The following TMEM240 variants were observed in gnomAD, a reference collection of about 807,000 sequenced individuals.
TMEM240 encodes transmembrane protein C1orf70.
Under a neutral mutation model 19.5 loss-of-function variants are expected in TMEM240, and 3 were observed. The ratio of observed to expected loss-of-function variants is 0.15; its 90% CI spans 0.07 to 0.40. The LOEUF (loss-of-function observed/expected upper bound fraction) is 0.40, where lower values mean the gene tolerates loss of function less well. TMEM240 is among the 10% of genes least tolerant of loss of function. The probability of loss-of-function intolerance (pLI) is 1.00; values close to 1 mark genes in which losing one functional copy is unlikely to be tolerated. For missense variants in TMEM240, 210 were observed against 253.5 expected (o/e 0.83, Z 1.17); for synonymous variants, 123 against 109.3 (o/e 1.13, Z -0.78).
Position 1,539,844 on chromosome 1 carries a change from C to T in TMEM240, c.58-54G>A, listed in dbSNP as rs1642273199. 16 of 1,025,732 alleles carry T rather than the reference C, an allele frequency of 1.6e-5. No individual in the cohort carries two copies. In the Admixed American group the frequency reaches 3.2e-4, roughly 21 times the overall value. 63.5% of individuals were successfully genotyped at this position (1,025,732 alleles called of 1,614,324 possible). On this transcript the variant is annotated intron_variant, in intron 1 of 3. Coordinates refer to ENST00000378733, the MANE Select transcript of TMEM240 (RefSeq NM_001114748.2). ...AAGGAGCGGGCGGGACGAAGCGGGG[C>T]TGGGGGTGGGGAGCGCAGGCCGGGG... is the stretch of plus-strand genomic sequence containing the variant.
At position 1,540,621 on chromosome 1, in the gene TMEM240, A is replaced by C. The variant is rs1436060953; in HGVS notation, c.-275T>G. 2.1e-5 allele frequency among the ~76,000 whole-genome samples: 3 copies of C among 146,324 alleles called. No individual in the cohort carries two copies. The highest frequency in any genetic ancestry group is 3.0e-5 in the Non-Finnish European group (2 of 66,438). On this transcript the variant is annotated 5_prime_UTR_variant, in exon 1 of 4. Coordinates refer to ENST00000378733, the MANE Select transcript of TMEM240 (RefSeq NM_001114748.2). ...CCTGCGATGCGCTCGGCTCGGCTCG[A>C]CTCGGCTCCGCTCGGCTCCGGCCCC...
chr1:1,538,305 C>G (rs1642252464), intron 2 of TMEM240, among the ~76,000 whole-genome samples: 1 of 152,244 alleles, frequency 6.6e-6, no homozygotes, highest in Non-Finnish European at 1.5e-5. Flanking sequence ...GGCTGTGGCT[C>G]TGCTTCCCAC....
Position 1,536,147 on chromosome 1 carries a change from G to C in TMEM240, c.165-350C>G, listed in dbSNP as rs909888673. 1.3e-5 allele frequency among the ~76,000 whole-genome samples: 2 copies of C among 152,116 alleles called. No homozygotes were observed. Among genetic ancestry groups the C allele is most frequent in the Non-Finnish European group, 2.9e-5 (2 of 67,988 alleles). ...GCAGGTGGAAGAGGCCTCCCCCGGA[G>C]GGGGCTCAGGACGGCGGTCCCCACG... On this transcript the variant is annotated intron_variant, in intron 2 of 3. Transcript: ENST00000378733. The surrounding 1 kb of genome is among the most constrained non-coding windows in gnomAD (Gnocchi z 5.4).
chr1:1,535,938 C>CG lies in TMEM240; in HGVS notation c.165-142dup, dbSNP rs1642212665. The CG allele has an allele frequency of 5.8e-6, 2 of 344,786 alleles. No individual in the cohort carries two copies. The highest frequency in any genetic ancestry group is 4.5e-5 in the African/African-American group (2 of 44,486). The allele number at this position is 344,786 out of a possible 1,614,324, so 21.4% of individuals were successfully genotyped here. On this transcript the variant is annotated intron_variant, in intron 2 of 3. Coordinates refer to ENST00000378733, the MANE Select transcript of TMEM240 (RefSeq NM_001114748.2). The surrounding 1 kb of genome is among the most constrained non-coding windows in gnomAD (Gnocchi z 8.2). The stretch of plus-strand genomic sequence containing the variant: ...GAAGCAGCCTCTTGGGCGGGCGGGT[C>CG]GGGAAGGGGGCACCAGACTCAACGA...
Position 1,536,440 on chromosome 1 carries a change from C to A in TMEM240, c.165-643G>T, listed in dbSNP as rs1642223101. ...CCTCTCCCCTTCCTGGGGGACGCCC[C>A]CTTGCCCTTGCCTGGCACAGACCCG... On this transcript the variant is annotated intron_variant, in intron 2 of 3. Coordinates refer to ENST00000378733, the MANE Select transcript of TMEM240 (RefSeq NM_001114748.2). The surrounding 1 kb of genome is among the most constrained non-coding windows in gnomAD (Gnocchi z 5.4). Among the ~76,000 whole-genome samples the A allele has an allele frequency of 6.6e-6, 1 of 152,200 alleles. No individual in the cohort carries two copies. Among genetic ancestry groups the A allele is most frequent in the Non-Finnish European group, 1.5e-5 (1 of 68,016 alleles).
rs370284562 is a variant in TMEM240 at position 1,535,755 on chromosome 1, C to T, written c.207G>A (p.Ser69=). The change falls in exon 3 of 4, where the codon TCG becomes TCA. Residue 69 remains serine, a synonymous_variant. Coordinates refer to ENST00000378733, the MANE Select transcript of TMEM240 (RefSeq NM_001114748.2). This position sits in a 1 kb window ranked among gnomAD's most constrained non-coding sequence, Gnocchi z 8.2. ...AGTAGTTCTCGGAGGCGTCCACCAC[C>T]GACTGGTCCCCGTCGTACGGGATCA... is the stretch of plus-strand genomic sequence containing the variant. ...HYVIPYDGDQ[S]VVDASENYFV... 1.2e-4 allele frequency: 190 copies of T among 1,550,250 alleles called. 3 individuals are homozygous for T. In the South Asian group the frequency reaches 1.7e-3, roughly 14 times the overall value.
chr1:1,540,454 G>C lies in TMEM240; in HGVS notation c.-108C>G, dbSNP rs1642287768. 1 of 300,396 alleles carries C rather than the reference G, an allele frequency of 3.3e-6. No individual in the cohort carries two copies. The highest frequency in any genetic ancestry group is 5.1e-6 in the Non-Finnish European group (1 of 196,000). The allele number at this position is 300,396 out of a possible 1,614,324, so 18.6% of individuals were successfully genotyped here. ...CCTCCGCAGAGGTCAGCGCTTCCCT[G>C]GATCGTCCGCCGCCGCTCGCTGCAA... On this transcript the variant is annotated 5_prime_UTR_variant, in exon 1 of 4. Transcript: ENST00000378733.
rs1348791188 is a variant in TMEM240 at position 1,537,645 on chromosome 1, C to T, written c.165-1848G>A. Among the ~76,000 whole-genome samples the T allele has an allele frequency of 3.9e-5, 6 of 152,172 alleles. No homozygotes were observed. The South Asian group carries it at 6.2e-4, about 16-fold the overall frequency. ...CACGTATGTCTGTGACATGTACATA[C>T]GTGTGTCCTGCCTGCACCACACACA... On this transcript the variant is annotated intron_variant, in intron 2 of 3. Transcript: ENST00000378733.
rs1229300923 is a variant in TMEM240, at chr1:1,540,392, GC to G, written c.-47del. The G allele has an allele frequency of 8.1e-5, 73 of 895,732 alleles. No individual in the cohort carries two copies. Among genetic ancestry groups the G allele is most frequent in the Middle Eastern group, 4.8e-4 (1 of 2,076 alleles). The allele number at this position is 895,732 out of a possible 1,614,324, so 55.5% of individuals were successfully genotyped here. The stretch of plus-strand genomic sequence containing the variant: ...CGGAGCGCCGCCCCCCGGCCCCGGC[GC>G]CCCCCCGGCCCCGGCCCGATGCTGA... On this transcript the variant is annotated 5_prime_UTR_variant, in exon 1 of 4. Transcript: ENST00000378733.
At position 1,536,780 on chromosome 1, in the gene TMEM240, G is replaced by A. The variant is rs555462067; in HGVS notation, c.165-983C>T. On this transcript the variant is annotated intron_variant, in intron 2 of 3. Transcript: ENST00000378733. The surrounding 1 kb of genome is among the most constrained non-coding windows in gnomAD (Gnocchi z 5.4). The stretch of plus-strand genomic sequence containing the variant: ...GGAGTGGAGCCCGCGGGCCCCACGC[G>A]CCTTGCGGTCCACACTCCTGGCTGC... Among the ~76,000 whole-genome samples the A allele has an allele frequency of 2.6e-5, 4 of 151,900 alleles. No individual in the cohort carries two copies. Among genetic ancestry groups the A allele is most frequent in the South Asian group, 2.1e-4 (1 of 4,806 alleles).
chr1:1,535,876 G>C lies in TMEM240; in HGVS notation c.165-79C>G, dbSNP rs1312995551. Reference sequence around the variant, plus strand: ...CCCCCGGGGCGCCTACCCCGTGGTGGGGGTGTGACCGCGTCAGGCCGCCCT... The same window carrying C: ...CCCCCGGGGCGCCTACCCCGTGGTGCGGGTGTGACCGCGTCAGGCCGCCCT... On this transcript the variant is annotated intron_variant, in intron 2 of 3. Transcript: ENST00000378733. This position sits in a 1 kb window ranked among gnomAD's most constrained non-coding sequence, Gnocchi z 8.2. The C allele has an allele frequency of 3.1e-6, 4 of 1,301,572 alleles. No individual in the cohort carries two copies. In the Admixed American group the frequency reaches 6.0e-5, roughly 19 times the overall value. The allele number at this position is 1,301,572 out of a possible 1,614,324, so 80.6% of individuals were successfully genotyped here. A position where few individuals can be genotyped will look rare whatever the true frequency, so the allele number is the denominator to read the frequency against.
At chr1:1,539,513 C>T (rs942145106) in intron 2 of TMEM240, 171 bp downstream of exon 2, 17 of 622,418 alleles carry the variant, frequency 2.7e-5, no homozygotes, top group South Asian at 2.7e-4. Flanking sequence ...CCATGCGCCC[C>T]CAGGAGACCC....
At chr1:1,538,444 G>T (rs1367946368) in intron 2 of TMEM240, among the ~76,000 whole-genome samples, 33 of 152,250 alleles carry the variant, frequency 2.2e-4, no homozygotes, top group Non-Finnish European at 4.4e-5. Context: ...TCAGTGTGCT[G>T]CCACAGGCGG....
chr1:1,535,225 C>T lies in TMEM240; in HGVS notation c.*134G>A, dbSNP rs779068615. 1.2e-3 allele frequency: 1,284 copies of T among 1,043,282 alleles called. 2 individuals carry two copies. The highest frequency in any genetic ancestry group is 1.6e-3 in the Non-Finnish European group (1,147 of 733,674). The allele number at this position is 1,043,282 out of a possible 1,614,324, so 64.6% of individuals were successfully genotyped here. On this transcript the variant is annotated 3_prime_UTR_variant, in exon 4 of 4. Transcript: ENST00000378733. This position sits in a 1 kb window ranked among gnomAD's most constrained non-coding sequence, Gnocchi z 8.2. ...GACAGCACCTTCCACTGGACTCTCCCGGCCGGCCACAGCCCCGGACAACCT... is the reference window on the plus strand; with the variant it reads ...GACAGCACCTTCCACTGGACTCTCCTGGCCGGCCACAGCCCCGGACAACCT...
rs5772044 is a variant in TMEM240 at position 1,534,913 on chromosome 1, G to GCCCCCCCCCCCCCCCCCC, written c.*445_*446insGGGGGGGGGGGGGGGGGG. On this transcript the variant is annotated 3_prime_UTR_variant, in exon 4 of 4. Coordinates refer to ENST00000378733, the MANE Select transcript of TMEM240 (RefSeq NM_001114748.2). ...ACCCTGTGGCTGTGCACACGCGGGT[G>GCCCCCCCCCCCCCCCCCC]CTCCCCTCGCCCCCCTCCCCTCCGC... Among the ~76,000 whole-genome samples the GCCCCCCCCCCCCCCCCCC allele has an allele frequency of 6.7e-6, 1 of 149,280 alleles. No homozygotes were observed. Among genetic ancestry groups the GCCCCCCCCCCCCCCCCCC allele is most frequent in the African/African-American group, 2.5e-5 (1 of 39,276 alleles).
At position 1,535,535 on chromosome 1, in the gene TMEM240, G is replaced by C; in HGVS notation, c.374-28C>G. On this transcript the variant is annotated intron_variant, in intron 3 of 3. Coordinates refer to ENST00000378733, the MANE Select transcript of TMEM240 (RefSeq NM_001114748.2). This position sits in a 1 kb window ranked among gnomAD's most constrained non-coding sequence, Gnocchi z 8.2. ...GCGGGGGGACAGGGGCGGTCAGGCG[G>C]CTGGGGCCGGCCAGGGCGGCAGCAC... 6.5e-7 allele frequency: 1 copy of C among 1,537,024 alleles called. No individual in the cohort carries two copies. The highest frequency in any genetic ancestry group is 8.8e-7 in the Non-Finnish European group (1 of 1,140,392).
rs1321045639 is a variant in TMEM240 at position 1,540,397 on chromosome 1, C to G, written c.-51G>C. 29 of 841,618 alleles carry G rather than the reference C, an allele frequency of 3.4e-5. No homozygotes were observed. The highest frequency in any genetic ancestry group is 4.2e-5 in the Non-Finnish European group (28 of 666,394). The allele number at this position is 841,618 out of a possible 1,614,324, so 52.1% of individuals were successfully genotyped here. A position where few individuals can be genotyped will look rare whatever the true frequency, so the allele number is the denominator to read the frequency against. ...CGCCGCCCCCCGGCCCCGGCGCCCC[C>G]CCGGCCCCGGCCCGATGCTGAGCCC... On this transcript the variant is annotated 5_prime_UTR_variant, in exon 1 of 4. Coordinates refer to ENST00000378733, the MANE Select transcript of TMEM240 (RefSeq NM_001114748.2).
chr1:1,540,569 C>T lies in TMEM240; in HGVS notation c.-223G>A, dbSNP rs559690853. 579 of 164,898 alleles carry T rather than the reference C, an allele frequency of 3.5e-3. 5 individuals carry two copies. The highest frequency in any genetic ancestry group is 0.012 in the African/African-American group (508 of 41,594). The allele number at this position is 164,898 out of a possible 1,614,324, so 10.2% of individuals were successfully genotyped here. ...TCTGGGGTCTCTCGGCCCGGCCCGCCGCGCTCCGCTCCGCCCTCGGGTCCT... is the reference window on the plus strand; with the variant it reads ...TCTGGGGTCTCTCGGCCCGGCCCGCTGCGCTCCGCTCCGCCCTCGGGTCCT... On this transcript the variant is annotated 5_prime_UTR_variant, in exon 1 of 4. Coordinates refer to ENST00000378733, the MANE Select transcript of TMEM240 (RefSeq NM_001114748.2).
rs1642185772 is a variant in TMEM240, at chr1:1,535,035, G to A, written c.*324C>T. The A allele has an allele frequency of 1.3e-5, 2 of 154,496 alleles. No individual in the cohort carries two copies. The highest frequency in any genetic ancestry group is 2.4e-5 in the Non-Finnish European group (2 of 82,230). 9.6% of individuals were successfully genotyped at this position (154,496 alleles called of 1,614,324 possible). A position where few individuals can be genotyped will look rare whatever the true frequency, so the allele number is the denominator to read the frequency against. On this transcript the variant is annotated 3_prime_UTR_variant, in exon 4 of 4. Transcript: ENST00000378733. The surrounding 1 kb of genome is among the most constrained non-coding windows in gnomAD (Gnocchi z 8.2). ...CCGGGCCGCGCGCCTCGCCGCCCCT[G>A]CCCCCACCTGCCCCCCAGGACCCTC...
Sources: allele counts gnomAD v4.1 joint callset (sites outside exome capture counted in the v4.1 genomes callset), GRCh38; gene constraint gnomAD v4.1.1; non-coding constraint Gnocchi (gnomAD v3.1); transcripts MANE v1.5; gene names NCBI Gene and HGNC (gene_info 2026-07-23, HGNC 2026-07-21).